UQCC1: variants seen among roughly 807,000 people sequenced by gnomAD.
The protein encoded by UQCC1 is bFGF-repressed Zic-binding protein.
A neutral mutation model predicts 48.0 loss-of-function variants in UQCC1; 38 were observed. That is an observed-to-expected ratio of 0.79 (90% CI 0.61 to 1.04). The LOEUF (loss-of-function observed/expected upper bound fraction) is 1.04, where lower values mean the gene tolerates loss of function less well. Ranked by LOEUF, UQCC1 falls within the 50% of genes least tolerant of loss-of-function variation. The pLI, the probability that UQCC1 is intolerant of heterozygous loss-of-function variation, is 0.00. For missense variants in UQCC1, 368 were observed against 381.8 expected (o/e 0.96, Z 0.30); for synonymous variants, 111 against 129.2 (o/e 0.86, Z 0.95).
At chr20:35,314,803 AAG>A in intron 7 of UQCC1, 38 bp from the exon 8 acceptor site, 2 of 1,551,268 alleles carry the variant, frequency 1.3e-6, no homozygotes, top group Non-Finnish European at 1.8e-6. Flanking sequence ...GTTTGAAAGA[AAG>A]AAAGAAAAAA....
chr20:35,411,143 A>G (rs534401203), intron 1 of UQCC1, among the ~76,000 whole-genome samples: 2 of 152,140 alleles, frequency 1.3e-5, no homozygotes, highest in East Asian at 1.9e-4. Flanking sequence ...CCATCCCTCC[A>G]TGATTAAAAA....
At chr20:35,323,889 T>G (rs559103501) in intron 7 of UQCC1, among the ~76,000 whole-genome samples, 1 of 152,350 alleles carries the variant, frequency 6.6e-6, no homozygotes, top group South Asian at 2.1e-4. Context: ...GATGGGCACA[T>G]AGCTGAAGCT....
chr20:35,389,910 T>G (rs1345540776), intron 2 of UQCC1, among the ~76,000 whole-genome samples: 2 of 152,170 alleles, frequency 1.3e-5, no homozygotes, highest in Non-Finnish European at 2.9e-5. Flanking sequence ...CAATAATGTG[T>G]GCAAGAGACA....
At chr20:35,335,289 A>G (rs2061303483) in intron 7 of UQCC1, among the ~76,000 whole-genome samples, 1 of 152,238 alleles carries the variant, frequency 6.6e-6, no homozygotes, top group Admixed American at 6.5e-5. Flanking sequence ...ATGTTCAGAC[A>G]TAAACTTATA....
At chr20:35,312,210 G>C (rs962290589) in intron 8 of UQCC1, among the ~76,000 whole-genome samples, 1 of 152,040 alleles carries the variant, frequency 6.6e-6, no homozygotes, top group African/African-American at 2.4e-5. Context: ...TTTTATAATT[G>C]ATATGTACAC....
At chr20:35,326,182 AG>A (rs1188572928) in intron 7 of UQCC1, among the ~76,000 whole-genome samples, 1 of 152,216 alleles carries the variant, frequency 6.6e-6, no homozygotes, top group Non-Finnish European at 1.5e-5. Flanking sequence ...ACGAACAAAG[AG>A]GAAGGCATGC....
At chr20:35,374,354 A>G in intron 4 of UQCC1, 98 bp from the exon 5 acceptor site, 1 of 953,546 alleles carries the variant, frequency 1.0e-6, no homozygotes, top group South Asian at 1.6e-5. Flanking sequence ...CTTCAACTAG[A>G]AGGAAGGGTC....
intron 2 of UQCC1, among the ~76,000 whole-genome samples, chr20:35,387,262 G>C (rs1300422863): frequency 6.6e-6 from 1 of 151,884 alleles, no homozygotes; most frequent in African/African-American, 2.4e-5. Context: ...CTCCAGCCTG[G>C]GTGACAGAGC....
At chr20:35,361,686 T>G (rs1440041660) in intron 6 of UQCC1, among the ~76,000 whole-genome samples, 1 of 152,146 alleles carries the variant, frequency 6.6e-6, no homozygotes, top group Non-Finnish European at 1.5e-5. Flanking sequence ...GCACCTGAAT[T>G]TCCTCTCCAC....
At chr20:35,382,249 G>A (rs1390297023) in intron 3 of UQCC1, among the ~76,000 whole-genome samples, 1 of 151,330 alleles carries the variant, frequency 6.6e-6, no homozygotes, top group Non-Finnish European at 1.5e-5. Flanking sequence ...TGGGATTACA[G>A]GTGCACGCCA....
At chr20:35,391,724 A>G in intron 2 of UQCC1, among the ~76,000 whole-genome samples, 1 of 97,656 alleles carries the variant, frequency 1.0e-5, no homozygotes, top group Admixed American at 1.2e-4. Context: ...AAGGACATTC[A>G]TAAAAAAAAA....
At chr20:35,313,497 C>A (rs2061018418) in intron 8 of UQCC1, among the ~76,000 whole-genome samples, 1 of 151,788 alleles carries the variant, frequency 6.6e-6, no homozygotes, top group South Asian at 2.1e-4. Flanking sequence ...AGTGTAACTC[C>A]AGTTGCATAA....
intron 5 of UQCC1, among the ~76,000 whole-genome samples, chr20:35,368,495 G>A (rs2061694496): frequency 6.6e-6 from 1 of 152,106 alleles, no homozygotes; most frequent in Non-Finnish European, 1.5e-5. Context: ...CAAACACTGT[G>A]TTCTTAATCC....
At chr20:35,309,321 A>G (rs1408834449) in intron 8 of UQCC1, 1 of 383,444 alleles carries the variant, frequency 2.6e-6, no homozygotes, top group East Asian at 7.7e-5. Flanking sequence ...AGTCCCAGCT[A>G]CTCGGGAGGA....
intron 6 of UQCC1, 120 bp from the exon 7 acceptor site, chr20:35,347,392 G>A: frequency 1.7e-6 from 2 of 1,196,508 alleles, no homozygotes; most frequent in Non-Finnish European, 2.4e-6. Context: ...CAAACTGGAA[G>A]TGAACTTTTT....
Position 35,306,739 on chromosome 20 carries a change from C to T in UQCC1, c.692G>A (p.Trp231Ter). 6.2e-7 allele frequency: 1 copy of T among 1,614,014 alleles called. No homozygotes were observed. Among genetic ancestry groups the T allele is most frequent in the East Asian group, 2.2e-5 (1 of 44,874 alleles). The change falls in exon 9 of 10, where the codon TGG becomes TAG. Residue 231 changes from tryptophan (W) to a stop codon, truncating the protein, a stop_gained. Coordinates refer to ENST00000374385, the MANE Select transcript of UQCC1 (RefSeq NM_018244.5). LOFTEE classifies it high-confidence loss of function. Reference sequence around the variant, plus strand: ...ACATTTCCGGTTGAAGAAGGTTCTCCAGAGGGCAGCGGCCAGCCCATGATC... The same window carrying T: ...ACATTTCCGGTTGAAGAAGGTTCTCTAGAGGGCAGCGGCCAGCCCATGATC... ...SDDHGLAAALWRTFFNRKCED... is the reference protein window; with the variant it reads ...SDDHGLAAAL
chr20:35,377,155 T>C (rs573189072), intron 4 of UQCC1, among the ~76,000 whole-genome samples: 7 of 152,152 alleles, frequency 4.6e-5, no homozygotes, highest in East Asian at 3.9e-4. Context: ...ACATAGATCA[T>C]TGATGCAAAA....
chr20:35,335,401 T>C (rs1406939232), intron 7 of UQCC1, among the ~76,000 whole-genome samples: 1 of 152,090 alleles, frequency 6.6e-6, no homozygotes, highest in East Asian at 1.9e-4. Flanking sequence ...ACATGGTATA[T>C]CTACACAACA....
intron 7 of UQCC1, among the ~76,000 whole-genome samples, chr20:35,336,013 A>C (rs186003602): frequency 1.2e-4 from 18 of 152,308 alleles, no homozygotes; most frequent in Admixed American, 1.2e-3. Context: ...CTACAAAAAA[A>C]CCCACAAAAA....
Sources: allele counts gnomAD v4.1 joint callset (sites outside exome capture counted in the v4.1 genomes callset), GRCh38; gene constraint gnomAD v4.1.1; transcripts MANE v1.5; gene names NCBI Gene and HGNC (gene_info 2026-07-23, HGNC 2026-07-21).